Variants in PLEKHA7 observed in about 807,000 individuals in gnomAD.
The protein encoded by PLEKHA7 is pleckstrin homology domain-containing family A member 7.
In PLEKHA7, 104 loss-of-function variants were observed where a neutral mutation model predicts 170.0. The ratio of observed to expected loss-of-function variants is 0.61; its 90% CI spans 0.52 to 0.72. The LOEUF (loss-of-function observed/expected upper bound fraction) is 0.72, where lower values mean the gene tolerates loss of function less well. PLEKHA7 is among the 30% of genes least tolerant of loss of function. The pLI is 0.00. For missense variants in PLEKHA7, 1,615 were observed against 1,671.7 expected (o/e 0.97, Z 0.59); for synonymous variants, 648 against 660.8 (o/e 0.98, Z 0.30).
At chr11:16,925,259 T>TG (rs1227844616) in intron 3 of PLEKHA7, among the ~76,000 whole-genome samples, 1 of 152,200 alleles carries the variant, frequency 6.6e-6, no homozygotes, top group Non-Finnish European at 1.5e-5. Flanking sequence ...AGTCTGTACT[T>TG]GGAGACCCGA....
chr11:16,887,465 C>T (rs193018446), intron 3 of PLEKHA7, among the ~76,000 whole-genome samples: 46 of 152,282 alleles, frequency 3.0e-4, no homozygotes, highest in African/African-American at 1.0e-3. Flanking sequence ...ACTGTACTGC[C>T]GCCATCTCGG....
chr11:16,870,884 T>C (rs149089241), intron 4 of PLEKHA7, among the ~76,000 whole-genome samples: 1 of 152,204 alleles, frequency 6.6e-6, no homozygotes, highest in Non-Finnish European at 1.5e-5. Context: ...TCATAGCACA[T>C]CCCTGTATCA....
intron 7 of PLEKHA7, 24 bp from the exon 8 acceptor site, chr11:16,851,315 A>C: frequency 6.3e-7 from 1 of 1,587,252 alleles, no homozygotes; most frequent in Non-Finnish European, 8.6e-7. Flanking sequence ...AATGCATCAG[A>C]ACAACCTTCT....
intron 3 of PLEKHA7, among the ~76,000 whole-genome samples, chr11:16,984,753 ATTGATT>A (rs1372357274): frequency 6.6e-6 from 1 of 152,136 alleles, no homozygotes. Context: ...AGAGACCTTT[ATTGATT>A]TTGTTCACTA....
intron 3 of PLEKHA7, among the ~76,000 whole-genome samples, chr11:16,960,073 G>A (rs1861953907): frequency 6.6e-6 from 1 of 152,174 alleles, no homozygotes; most frequent in East Asian, 1.9e-4. Context: ...CTGTGTGTGT[G>A]CACACACGCC....
intron 3 of PLEKHA7, among the ~76,000 whole-genome samples, chr11:17,005,150 T>C (rs1025778060): frequency 1.3e-5 from 2 of 152,222 alleles, no homozygotes; most frequent in African/African-American, 4.8e-5. Context: ...TCCCTGCCCC[T>C]GCACACGTTT....
intron 9 of PLEKHA7, among the ~76,000 whole-genome samples, chr11:16,841,272 C>T (rs1297336605): frequency 6.6e-6 from 1 of 152,202 alleles, no homozygotes; most frequent in African/African-American, 2.4e-5. Flanking sequence ...TGCCTGTCCT[C>T]TCCCTACCTG....
rs550065436 is a variant in PLEKHA7, at chr11:16,824,592, G to A, written c.1343+1528C>T. ...ATCCCGCATTCGAATTCACTTACGA[G>A]TGTCGCTGTTTCAACCTCCAAAATG... On this transcript the variant is annotated intron_variant, in intron 10 of 26. Coordinates refer to ENST00000531066, the MANE Select transcript of PLEKHA7 (RefSeq NM_001329630.2). Among the ~76,000 whole-genome samples, 29 of 152,300 alleles carry A rather than the reference G, an allele frequency of 1.9e-4. No individual in the cohort carries two copies. In the South Asian group the frequency reaches 5.6e-3, roughly 29 times the overall value.
chr11:16,778,871 G>C lies in PLEKHA7; in HGVS notation c.*127C>G. 1 of 692,020 alleles carries C rather than the reference G, an allele frequency of 1.4e-6. No individual in the cohort carries two copies. Among genetic ancestry groups the C allele is most frequent in the Non-Finnish European group, 2.6e-6 (1 of 379,172 alleles). The allele number at this position is 692,020 out of a possible 1,614,324, so 42.9% of individuals were successfully genotyped here. The stretch of plus-strand genomic sequence containing the variant: ...TGTGGTGAACACCCGCAGTCGGTAA[G>C]CTGCTCCTTCCTCCGGCCGGATTCC... On this transcript the variant is annotated 3_prime_UTR_variant, in exon 27 of 27. Coordinates refer to ENST00000531066, the MANE Select transcript of PLEKHA7 (RefSeq NM_001329630.2).
intron 9 of PLEKHA7, among the ~76,000 whole-genome samples, chr11:16,840,614 G>A (rs961865109): frequency 7.2e-5 from 11 of 152,058 alleles, no homozygotes; most frequent in African/African-American, 2.7e-4. Context: ...TTTAAGCCTA[G>A]GATACTGAAA....
At chr11:16,781,971 G>C (rs866225940) in intron 26 of PLEKHA7, among the ~76,000 whole-genome samples, 1 of 152,124 alleles carries the variant, frequency 6.6e-6, no homozygotes, top group Non-Finnish European at 1.5e-5. Context: ...GGTACTGGGT[G>C]AATTGTGAAG....
At chr11:16,906,533 G>A (rs1477702606) in intron 3 of PLEKHA7, among the ~76,000 whole-genome samples, 1 of 139,088 alleles carries the variant, frequency 7.2e-6, no homozygotes, top group Non-Finnish European at 1.5e-5. Flanking sequence ...GTGTTGGCCA[G>A]GCTGGTCTCC....
Position 16,794,685 on chromosome 11 carries a change from G to A in PLEKHA7, c.2548C>T (p.Pro850Ser). Residue 850 changes from proline (P) to serine (S), a missense_variant, in exon 19 of 27, where the codon CCG (proline) becomes TCG (serine). Physicochemically the swap from Pro to Ser is moderately conservative, Grantham distance 74 (BLOSUM62 -1). Transcript: ENST00000531066. ...GAAGTTGAGAGTGAAGGCACAGGCG[G>A]GTGAGGAAACAAAGGCACCGTTTTT... ...ERKTVPLFPH[P>S]PVPSLSTSES... 6.2e-7 allele frequency: 1 copy of A among 1,614,044 alleles called. No homozygotes were observed. The highest frequency in any genetic ancestry group is 8.5e-7 in the Non-Finnish European group (1 of 1,180,006).
intron 3 of PLEKHA7, among the ~76,000 whole-genome samples, chr11:16,933,000 G>A (rs1860048323): frequency 6.6e-6 from 1 of 152,180 alleles, no homozygotes; most frequent in Non-Finnish European, 1.5e-5. Context: ...AAGACAATAG[G>A]AAGCCATGGA....
chr11:16,920,842 G>A (rs1859034173), intron 3 of PLEKHA7, among the ~76,000 whole-genome samples: 1 of 152,182 alleles, frequency 6.6e-6, no homozygotes, highest in Admixed American at 6.5e-5. Flanking sequence ...AGCACACCTA[G>A]AGCCTCACCC....
rs1476070541 is a variant in PLEKHA7, at chr11:16,816,983, G to C, written c.1683C>G (p.Pro561=). The change falls in exon 11 of 27, where the codon CCC becomes CCG. Residue 561 remains proline, a synonymous_variant. Coordinates refer to ENST00000531066, the MANE Select transcript of PLEKHA7 (RefSeq NM_001329630.2). ...GAGATGGAGGCACAGAGATGGAGCGGGGCACCTCTAGCATGCTCCTGCTCC... is the reference window on the plus strand; with the variant it reads ...GAGATGGAGGCACAGAGATGGAGCGCGGCACCTCTAGCATGCTCCTGCTCC... The part of the protein sequence containing the change: ...QGRSRSMLEV[P]RSISVPPSPS... 4.4e-6 allele frequency: 7 copies of C among 1,607,830 alleles called. No homozygotes were observed. The South Asian group carries it at 4.5e-5, about 10-fold the overall frequency.
chr11:16,805,591 A>G (rs1451503718), intron 13 of PLEKHA7, among the ~76,000 whole-genome samples: 1 of 152,000 alleles, frequency 6.6e-6, no homozygotes, highest in Admixed American at 6.6e-5. Context: ...GGAGTTCAAG[A>G]TCAGTCTGGC....
intron 3 of PLEKHA7, among the ~76,000 whole-genome samples, chr11:16,894,782 G>T (rs1856896132): frequency 6.6e-6 from 1 of 152,116 alleles, no homozygotes; most frequent in Admixed American, 6.5e-5. Flanking sequence ...TCCAAAACTG[G>T]GGGCAGGGGA....
intron 3 of PLEKHA7, among the ~76,000 whole-genome samples, chr11:17,000,868 A>G (rs1393273842): frequency 2.0e-5 from 3 of 152,168 alleles, no homozygotes; most frequent in African/African-American, 7.2e-5. Flanking sequence ...GCACCACCCT[A>G]TAGACAAAGG....
Sources: gnomAD v4.1 joint callset for allele counts (sites outside exome capture counted in the v4.1 genomes callset) on GRCh38, gnomAD v4.1.1 for gene constraint, MANE v1.5 for transcripts, NCBI Gene and HGNC (gene_info 2026-07-23, HGNC 2026-07-21) for gene names.